The following RAPGEF1 variants were observed in gnomAD, a reference collection of about 807,000 sequenced individuals.
The protein encoded by RAPGEF1 is Rap guanine nucleotide exchange factor 1.
In RAPGEF1, 33 loss-of-function variants were observed where a neutral mutation model predicts 143.3. The observed-to-expected ratio is 0.23, with a 90% CI of 0.17 to 0.31. RAPGEF1 has a LOEUF of 0.31. Among genes scored for constraint, RAPGEF1 ranks in the 10% least tolerant of loss-of-function variants. The pLI is 1.00. For synonymous variants in RAPGEF1, 629 were observed against 676.5 expected (o/e 0.93, Z 1.09); for missense variants, 1,199 against 1,645.4 (o/e 0.73, Z 4.69).
At chr9:131,696,425 C>T (rs756589842) in intron 1 of RAPGEF1, among the ~76,000 whole-genome samples, 7 of 152,216 alleles carry the variant, frequency 4.6e-5, no homozygotes, top group African/African-American at 7.2e-5. Context: ...CACAGGTGGC[C>T]TGCAAAGCTT....
chr9:131,656,043 A>G (rs1249202104), intron 1 of RAPGEF1, among the ~76,000 whole-genome samples: 2 of 152,182 alleles, frequency 1.3e-5, no homozygotes, highest in East Asian at 3.8e-4. Flanking sequence ...AGATTAAATG[A>G]GATATTTACT....
intron 1 of RAPGEF1, among the ~76,000 whole-genome samples, chr9:131,730,346 C>T (rs1311085096): frequency 6.6e-6 from 1 of 151,806 alleles, no homozygotes; most frequent in East Asian, 1.9e-4. Context: ...CAAAACAAGC[C>T]TCAATAAGTC....
rs189175713 is a variant in RAPGEF1 at position 131,653,831 on chromosome 9, A to C, written c.62-2882T>G. Among the ~76,000 whole-genome samples the C allele has an allele frequency of 2.3e-3, 346 of 152,392 alleles. 1 individual carries two copies. Among genetic ancestry groups the C allele is most frequent in the Middle Eastern group, 6.8e-3 (2 of 292 alleles). On this transcript the variant is annotated intron_variant, in intron 1 of 26. Transcript: ENST00000683357. ...GAGACTTGTACAGGTAAGTCAAAGG[A>C]AAGTTCACAGCAACATTATTCATAA...
At chr9:131,618,748 A>G (rs923118928) in intron 12 of RAPGEF1, among the ~76,000 whole-genome samples, 4 of 152,200 alleles carry the variant, frequency 2.6e-5, no homozygotes, top group African/African-American at 9.7e-5. Context: ...CAGAGGGCTG[A>G]TCCAAGGTCC....
At chr9:131,709,324 C>T (rs146354923) in intron 1 of RAPGEF1, among the ~76,000 whole-genome samples, 9 of 152,006 alleles carry the variant, frequency 5.9e-5, no homozygotes, top group African/African-American at 1.9e-4. Context: ...CCAGCCTGGG[C>T]GACAGAACGA....
At position 131,693,956 on chromosome 9, in the gene RAPGEF1, T is replaced by C. The variant is rs572040364; in HGVS notation, c.62-43007A>G. Among the ~76,000 whole-genome samples the C allele has an allele frequency of 1.6e-3, 238 of 152,152 alleles. 2 individuals carry two copies. Among genetic ancestry groups the C allele is most frequent in the African/African-American group, 5.6e-3 (233 of 41,486 alleles). ...TCCTCTCAATCAGTTTCTCTCTCTCTCTCTCTCTCCAAACACTTAATGGCT... is the reference window on the plus strand; with the variant it reads ...TCCTCTCAATCAGTTTCTCTCTCTCCCTCTCTCTCCAAACACTTAATGGCT... On this transcript the variant is annotated intron_variant, in intron 1 of 26. Transcript: ENST00000683357.
Position 131,587,761 on chromosome 9 carries a change from C to T in RAPGEF1, c.3208G>A (p.Glu1070Lys). ...CAGTAGGACATGTTGTTGAAGTGCT[C>T]CGTGAACTGGGTCAAGTTGGGGCTC... ...EKSPNLTQFT[E>K]HFNNMSYWVR... Residue 1070 changes from glutamate to lysine, a missense_variant, in exon 22 of 27, where the codon GAG becomes AAG. By Grantham distance (56) the Glu-to-Lys change is moderately conservative. Coordinates refer to ENST00000683357, the MANE Select transcript of RAPGEF1 (RefSeq NM_001377935.1). The T allele has an allele frequency of 6.2e-7, 1 of 1,613,648 alleles. No homozygotes were observed. Among genetic ancestry groups the T allele is most frequent in the Non-Finnish European group, 8.5e-7 (1 of 1,179,784 alleles).
chr9:131,670,689 A>C (rs1831237312), intron 1 of RAPGEF1, among the ~76,000 whole-genome samples: 1 of 152,222 alleles, frequency 6.6e-6, no homozygotes, highest in African/African-American at 2.4e-5. Context: ...GCCTCAAGGA[A>C]GAGGCCAAAG....
intron 5 of RAPGEF1, among the ~76,000 whole-genome samples, chr9:131,635,253 T>A (rs1014529236): frequency 6.6e-6 from 1 of 152,122 alleles, no homozygotes; most frequent in Non-Finnish European, 1.5e-5. Flanking sequence ...ATCTTCAGGG[T>A]AAATATTTTA....
intron 5 of RAPGEF1, among the ~76,000 whole-genome samples, chr9:131,634,400 G>A (rs1965759611): frequency 6.6e-6 from 1 of 152,034 alleles, no homozygotes; most frequent in African/African-American, 2.4e-5. Context: ...TTATTTCCAT[G>A]TTCATTTTAT....
intron 1 of RAPGEF1, among the ~76,000 whole-genome samples, chr9:131,673,963 C>T (rs545287410): frequency 1.3e-5 from 2 of 152,232 alleles, no homozygotes; most frequent in South Asian, 4.1e-4. Context: ...AGCTAGTAGA[C>T]GTTTTTGCAA....
chr9:131,620,140 G>C (rs1368269190), intron 11 of RAPGEF1, among the ~76,000 whole-genome samples: 1 of 152,218 alleles, frequency 6.6e-6, no homozygotes, highest in East Asian at 1.9e-4. Context: ...TGGTAGAACA[G>C]GTTCTGATTC....
chr9:131,618,630 A>T (rs546042859), intron 12 of RAPGEF1, among the ~76,000 whole-genome samples: 37 of 152,268 alleles, frequency 2.4e-4, no homozygotes, highest in African/African-American at 8.2e-4. Flanking sequence ...CCCAGGCTGG[A>T]CTTGAACTCT....
chr9:131,704,403 C>T (rs1421338612), intron 1 of RAPGEF1, among the ~76,000 whole-genome samples: 1 of 151,890 alleles, frequency 6.6e-6, no homozygotes, highest in South Asian at 2.1e-4. Flanking sequence ...CCCCCTGCCA[C>T]CCCCAGCCCC....
intron 3 of RAPGEF1, among the ~76,000 whole-genome samples, chr9:131,649,665 G>A (rs1970589815): frequency 6.6e-6 from 1 of 152,190 alleles, no homozygotes; most frequent in Non-Finnish European, 1.5e-5. Flanking sequence ...AAATGTTAGG[G>A]ACACAGGTGT....
intron 1 of RAPGEF1, among the ~76,000 whole-genome samples, chr9:131,726,725 G>A (rs1225106429): frequency 6.6e-6 from 1 of 152,160 alleles, no homozygotes. Context: ...TCAGGGTGAT[G>A]GAATTGGCCT....
In RAPGEF1 at chr9:131,661,292, G is replaced by A. The variant is rs1974014529; in HGVS notation, c.62-10343C>T. Among the ~76,000 whole-genome samples the A allele has an allele frequency of 1.3e-5, 2 of 152,220 alleles. 1 individual carries two copies. Among genetic ancestry groups the A allele is most frequent in the South Asian group, 4.1e-4 (2 of 4,836 alleles). ...ATCATGCAATCGACACCCATGACAT[G>A]CATGGTTCTCACGAGTGTAGAGAGA... On this transcript the variant is annotated intron_variant, in intron 1 of 26. Coordinates refer to ENST00000683357, the MANE Select transcript of RAPGEF1 (RefSeq NM_001377935.1).
intron 1 of RAPGEF1, among the ~76,000 whole-genome samples, chr9:131,679,965 G>A (rs933528011): frequency 2.6e-5 from 4 of 152,186 alleles, no homozygotes; most frequent in South Asian, 2.1e-4. Flanking sequence ...AGACAAAGGC[G>A]TCAACTCCAG....
intron 1 of RAPGEF1, among the ~76,000 whole-genome samples, chr9:131,736,913 C>T (rs1366860576): frequency 6.6e-6 from 1 of 152,168 alleles, no homozygotes; most frequent in Non-Finnish European, 1.5e-5. Context: ...ATCAAATACT[C>T]CTCTGGAGAC....
Sources: allele counts gnomAD v4.1 joint callset (sites outside exome capture counted in the v4.1 genomes callset), GRCh38; gene constraint gnomAD v4.1.1; transcripts MANE v1.5; gene names NCBI Gene and HGNC (gene_info 2026-07-23, HGNC 2026-07-21).